LRRC4C: variants seen among roughly 807,000 people sequenced by gnomAD.
LRRC4C encodes leucine rich repeat containing 4C.
Under a neutral mutation model 33.6 loss-of-function variants are expected in LRRC4C, and 5 were observed. That is an observed-to-expected ratio of 0.15 (90% CI 0.08 to 0.31). The LOEUF is 0.31. LRRC4C is among the 10% of genes least tolerant of loss of function. LRRC4C has a pLI of 1.00. For missense variants in LRRC4C, 560 were observed against 796.7 expected (o/e 0.70, Z 3.58); for synonymous variants, 329 against 302.0 (o/e 1.09, Z -0.93).
chr11:40,723,949 G>A (rs1211165135), intron 2 of LRRC4C, among the ~76,000 whole-genome samples: 1 of 151,738 alleles, frequency 6.6e-6, no homozygotes, highest in Non-Finnish European at 1.5e-5. Context: ...TTAAAAAGCA[G>A]GGATTGGTAT....
At chr11:41,075,580 A>G (rs1244409194) in intron 1 of LRRC4C, among the ~76,000 whole-genome samples, 4 of 152,166 alleles carry the variant, frequency 2.6e-5, no homozygotes, top group Admixed American at 2.6e-4. Context: ...CCATTAGCAC[A>G]TTAATACACT....
intron 3 of LRRC4C, among the ~76,000 whole-genome samples, chr11:40,483,316 T>G (rs11035860): frequency 0.012 from 1,865 of 152,224 alleles, 43 homozygotes; most frequent in Admixed American, 0.036. Flanking sequence ...AAAAGAATTA[T>G]CCAGGGGCTA....
intron 3 of LRRC4C, among the ~76,000 whole-genome samples, chr11:40,459,494 T>G (rs1396882666): frequency 6.6e-6 from 1 of 152,218 alleles, no homozygotes; most frequent in South Asian, 2.1e-4. Context: ...TGCTCTAATC[T>G]GTAATTGAAA....
chr11:40,789,141 G>T (rs940048492), intron 2 of LRRC4C, among the ~76,000 whole-genome samples: 1 of 147,500 alleles, frequency 6.8e-6, no homozygotes, highest in Non-Finnish European at 1.5e-5. Flanking sequence ...TTATGTGTTA[G>T]TGGGCTCATG....
At chr11:40,731,009 G>A (rs924576713) in intron 2 of LRRC4C, among the ~76,000 whole-genome samples, 2 of 152,074 alleles carry the variant, frequency 1.3e-5, no homozygotes, top group Non-Finnish European at 2.9e-5. Flanking sequence ...GAGTTCTCAC[G>A]AGATTTGGTT....
Position 40,897,320 on chromosome 11 carries a change from T to C in LRRC4C, c.-407+36315A>G, listed in dbSNP as rs115684702. Among the ~76,000 whole-genome samples the C allele has an allele frequency of 1.7e-3, 262 of 152,278 alleles. 2 individuals carry two copies. The highest frequency in any genetic ancestry group is 6.1e-3 in the African/African-American group (254 of 41,574). On this transcript the variant is annotated intron_variant, in intron 2 of 6. Coordinates refer to ENST00000528697, the MANE Select transcript of LRRC4C (RefSeq NM_001258419.2). ...AAACAGGAAAATCAATTACAGACTT[T>C]GGTAAGCATAGGGGATGGTTTCCCT... is the stretch of plus-strand genomic sequence containing the variant.
intron 1 of LRRC4C, among the ~76,000 whole-genome samples, chr11:41,153,988 T>C (rs1944114587): frequency 6.6e-6 from 1 of 152,086 alleles, no homozygotes; most frequent in Non-Finnish European, 1.5e-5. Context: ...TCAAGCAACG[T>C]AGACAGTTAC....
chr11:40,974,930 C>G (rs984494289), intron 1 of LRRC4C, among the ~76,000 whole-genome samples: 4 of 152,144 alleles, frequency 2.6e-5, no homozygotes, highest in Non-Finnish European at 5.9e-5. Context: ...GTTATCAAGC[C>G]TTTTCCCTCA....
intron 2 of LRRC4C, among the ~76,000 whole-genome samples, chr11:40,845,638 C>T (rs1953121800): frequency 6.6e-6 from 1 of 152,140 alleles, no homozygotes; most frequent in South Asian, 2.1e-4. Context: ...GTGCAATAAA[C>T]ATACCTGTGC....
intron 2 of LRRC4C, among the ~76,000 whole-genome samples, chr11:40,728,374 G>A (rs552079534): frequency 9.9e-5 from 15 of 152,090 alleles, no homozygotes; most frequent in African/African-American, 3.6e-4. Context: ...GGGAGGCCGA[G>A]GCGGACGGAT....
chr11:40,284,056 C>G (rs554243434), intron 4 of LRRC4C, among the ~76,000 whole-genome samples: 206 of 152,226 alleles, frequency 1.4e-3, no homozygotes, highest in Non-Finnish European at 2.2e-3. Context: ...TTGCCAAATA[C>G]ATATAACAAT....
chr11:41,140,790 T>A (rs951726115), intron 1 of LRRC4C, among the ~76,000 whole-genome samples: 1 of 129,016 alleles, frequency 7.8e-6, no homozygotes, highest in Non-Finnish European at 1.8e-5. Context: ...AGTTTAATAA[T>A]TACTTTCATA....
chr11:40,968,760 G>GA (rs750444570), intron 1 of LRRC4C, among the ~76,000 whole-genome samples: 45 of 151,730 alleles, frequency 3.0e-4, no homozygotes, highest in Non-Finnish European at 5.0e-4. Context: ...CTACTGTTTA[G>GA]AAAAAAAATG....
intron 1 of LRRC4C, among the ~76,000 whole-genome samples, chr11:41,335,820 G>A (rs187583400): frequency 7.2e-5 from 11 of 152,068 alleles, no homozygotes; most frequent in Admixed American, 5.2e-4. Flanking sequence ...CTTCTTTTTG[G>A]TATTGTATTT....
chr11:40,136,329 C>T (rs566399177), intron 6 of LRRC4C, among the ~76,000 whole-genome samples: 8 of 152,042 alleles, frequency 5.3e-5, no homozygotes, highest in South Asian at 2.1e-4. Context: ...TGCAGTGGCG[C>T]GATCTCGGCT....
intron 3 of LRRC4C, among the ~76,000 whole-genome samples, chr11:40,374,144 C>T (rs769796627): frequency 8.6e-5 from 13 of 152,000 alleles, no homozygotes; most frequent in Admixed American, 1.3e-4. Context: ...CTGGGGGAAA[C>T]GAAAATCATA....
intron 4 of LRRC4C, among the ~76,000 whole-genome samples, chr11:40,247,241 T>C (rs1324304757): frequency 6.6e-6 from 1 of 152,178 alleles, no homozygotes; most frequent in East Asian, 1.9e-4. Context: ...ATTTTGTTAA[T>C]TGAATGGTTC....
At chr11:40,558,528 A>G (rs1957417735) in intron 3 of LRRC4C, among the ~76,000 whole-genome samples, 1 of 152,082 alleles carries the variant, frequency 6.6e-6, no homozygotes, top group Non-Finnish European at 1.5e-5. Context: ...ATTAAGGAAA[A>G]CTTCTACTAT....
At chr11:41,037,191 A>T (rs528794366) in intron 1 of LRRC4C, among the ~76,000 whole-genome samples, 38 of 152,228 alleles carry the variant, frequency 2.5e-4, no homozygotes, top group African/African-American at 7.9e-4. Context: ...GTTGCATTAT[A>T]AATTAAATTA....
Sources: allele counts gnomAD v4.1 joint callset (sites outside exome capture counted in the v4.1 genomes callset), GRCh38; gene constraint gnomAD v4.1.1; transcripts MANE v1.5; gene names NCBI Gene and HGNC (gene_info 2026-07-23, HGNC 2026-07-21).